The following EOGT variants were observed in gnomAD, a reference collection of about 807,000 sequenced individuals.
EOGT encodes the protein EGF domain-specific O-linked N-acetylglucosamine transferase.
In EOGT, 55 loss-of-function variants were observed where a neutral mutation model predicts 70.5. The ratio of observed to expected loss-of-function variants is 0.78; its 90% confidence interval spans 0.63 to 0.98. EOGT has a LOEUF of 0.98. Among genes scored for constraint, EOGT ranks in the 50% least tolerant of loss-of-function variants. The pLI, the probability that EOGT is intolerant of heterozygous loss-of-function variation, is 0.00. For synonymous variants in EOGT, 246 were observed against 217.1 expected (o/e 1.13, Z -1.17); for missense variants, 703 against 641.9 (o/e 1.10, Z -1.03).
At position 68,976,715 on chromosome 3, in the gene EOGT, C is replaced by T. The variant is rs1024553536; in HGVS notation, c.*903G>A. 2 of 149,304 alleles carry T rather than the reference C, an allele frequency of 1.3e-5. No individual in the cohort carries two copies. The highest frequency in any genetic ancestry group is 3.0e-5 in the Non-Finnish European group (2 of 67,506). The allele number at this position is 149,304 out of a possible 1,614,324, so 9.2% of individuals were successfully genotyped here. A position where few individuals can be genotyped will look rare whatever the true frequency, so the allele number is the denominator to read the frequency against. The stretch of plus-strand genomic sequence containing the variant: ...TTTCCTACCACAAACAGTGTTATAA[C>T]CAGATTATGGCAAATAAAAGAACAG... On this transcript the variant is annotated 3_prime_UTR_variant, in exon 18 of 18. Transcript: ENST00000383701.
At chr3:68,978,488 A>G in intron 16 of EOGT, 53 bp from the exon 17 acceptor site, 1 of 1,251,994 alleles carries the variant, frequency 8.0e-7, no homozygotes. Flanking sequence ...GTTTTTTCCA[A>G]ATCAACAACT....
At chr3:69,010,848 A>G (rs1429023764) in intron 3 of EOGT, among the ~76,000 whole-genome samples, 1 of 152,194 alleles carries the variant, frequency 6.6e-6, no homozygotes, top group Non-Finnish European at 1.5e-5. Context: ...TCAAGGTATG[A>G]GCACAGACAA....
In EOGT at chr3:69,001,699, T is replaced by C. The variant is rs1458872970; in HGVS notation, c.636A>G (p.Gln212=). 6.2e-7 allele frequency: 1 copy of C among 1,610,194 alleles called. No homozygotes were observed. The highest frequency in any genetic ancestry group is 8.5e-7 in the Non-Finnish European group (1 of 1,178,078). ...SPLQSWFAEL[Q]SYTQLNFRPI... ...GTCTGAAGTTGAGCTGAGTATAGCT[T>C]TGTAGCTCAGCAAACCTGAAATTAT... Residue 212 remains glutamine (Q), a synonymous_variant, in exon 9 of 18, where the codon CAA becomes CAG. Transcript: ENST00000383701.
chr3:69,004,687 G>A (rs1372077620), intron 7 of EOGT, among the ~76,000 whole-genome samples: 1 of 151,996 alleles, frequency 6.6e-6, no homozygotes, highest in Non-Finnish European at 1.5e-5. Context: ...TTTGCAATGC[G>A]ATTAACTCAT....
At chr3:68,989,157 A>G (rs1302678158) in intron 10 of EOGT, 140 bp from the exon 11 acceptor site, 7 of 513,800 alleles carry the variant, frequency 1.4e-5, no homozygotes, top group Non-Finnish European at 2.4e-5. Flanking sequence ...TACAAGCAAA[A>G]TGGATCTTCA....
At position 69,001,714 on chromosome 3, in the gene EOGT, C is replaced by A. The variant is rs760802807; in HGVS notation, c.621G>T (p.Trp207Cys). ...GAGTATAGCTTTGTAGCTCAGCAAA[C>A]CTGAAATTATGAATTGGGACATGAC... The part of the protein sequence containing the change: ...EGQRKSPLQS[W>C]FAELQSYTQL... The change falls in exon 9 of 18, where the codon TGG becomes TGT. Residue 207 changes from tryptophan to cysteine, a missense_variant and splice_region_variant. Physicochemically the swap from Trp to Cys is radical, Grantham distance 215 (BLOSUM62 -2). Coordinates refer to ENST00000383701, the MANE Select transcript of EOGT (RefSeq NM_001278689.2). 6.2e-7 allele frequency: 1 copy of A among 1,600,694 alleles called. No individual in the cohort carries two copies. The highest frequency in any genetic ancestry group is 2.2e-5 in the East Asian group (1 of 44,682).
At chr3:68,978,884 TTCTC>T (rs1202837302) in intron 16 of EOGT, among the ~76,000 whole-genome samples, 5 of 152,336 alleles carry the variant, frequency 3.3e-5, no homozygotes, top group Admixed American at 6.5e-5. Context: ...CCATCCTTCC[TTCTC>T]TCTCTATAAG....
rs1038832178 is a variant in EOGT, at chr3:68,977,544, C to T, written c.*74G>A. On this transcript the variant is annotated 3_prime_UTR_variant, in exon 18 of 18. Transcript: ENST00000383701. ...TTCGGGGATAGGAAATAACAGATTG[C>T]TTTACTGATTTAATTCTAAGTCTGG... 2.3e-5 allele frequency: 35 copies of T among 1,496,786 alleles called. No homozygotes were observed. In the Admixed American group the frequency reaches 6.5e-4, roughly 28 times the overall value. The allele number at this position is 1,496,786 out of a possible 1,614,324, so 92.7% of individuals were successfully genotyped here.
At position 69,008,456 on chromosome 3, in the gene EOGT, G is replaced by T. The variant is rs770193294; in HGVS notation, c.283C>A (p.Pro95Thr). 2 of 1,613,956 alleles carry T rather than the reference G, an allele frequency of 1.2e-6. No individual in the cohort carries two copies. Among genetic ancestry groups the T allele is most frequent in the Non-Finnish European group, 1.7e-6 (2 of 1,179,942 alleles). The change falls in exon 5 of 18, where the codon CCA becomes ACA. Residue 95 changes from proline to threonine, a missense_variant. Pro to Thr is a conservative substitution (Grantham distance 38, BLOSUM62 -1). Transcript: ENST00000383701. ...CCCATGTCGACATAGCTGCAAACTG[G>T]GTAACCAAACCTGAACTCTGGTTTG... ...SCKPEFRFGY[P>T]VCSYVDMGWT...
At chr3:68,999,385 T>G (rs994653787) in intron 9 of EOGT, among the ~76,000 whole-genome samples, 1 of 152,180 alleles carries the variant, frequency 6.6e-6, no homozygotes, top group African/African-American at 2.4e-5. Context: ...GGACCCAATA[T>G]TCATCCTGGA....
chr3:68,986,528 G>T (rs2090812796), intron 14 of EOGT, among the ~76,000 whole-genome samples: 1 of 152,098 alleles, frequency 6.6e-6, no homozygotes, highest in African/African-American at 2.4e-5. Flanking sequence ...AGTCATATTG[G>T]TATTCTGTTT....
At chr3:68,997,296 T>C (rs894225814) in intron 10 of EOGT, among the ~76,000 whole-genome samples, 2 of 151,412 alleles carry the variant, frequency 1.3e-5, no homozygotes, top group Admixed American at 6.6e-5. Flanking sequence ...AGGCAGACAG[T>C]AAATGCAAAA....
intron 3 of EOGT, among the ~76,000 whole-genome samples, chr3:69,011,122 G>A (rs2091563065): frequency 6.6e-6 from 1 of 150,610 alleles, no homozygotes; most frequent in African/African-American, 2.4e-5. Context: ...AAATCTCTTG[G>A]ACCAGATTTC....
At chr3:68,993,870 C>T (rs6792946) in intron 10 of EOGT, among the ~76,000 whole-genome samples, 1 of 152,118 alleles carries the variant, frequency 6.6e-6, no homozygotes, top group Admixed American at 6.5e-5. Flanking sequence ...ATAAACCCAT[C>T]AGATCTCATG....
At chr3:69,004,150 T>A (rs1279477759) in intron 8 of EOGT, among the ~76,000 whole-genome samples, 2 of 152,216 alleles carry the variant, frequency 1.3e-5, no homozygotes, top group African/African-American at 4.8e-5. Context: ...TTTAAGCTGA[T>A]TTTTTTCTTT....
At chr3:69,012,851 A>C (rs937756254) in intron 1 of EOGT, 52 bp from the exon 2 acceptor site, 1 of 152,486 alleles carries the variant, frequency 6.6e-6, no homozygotes, top group African/African-American at 2.4e-5. Context: ...GATAGGAGGC[A>C]AAACCTGGGG....
chr3:68,992,075 T>A (rs1207953548), intron 10 of EOGT, among the ~76,000 whole-genome samples: 1 of 152,076 alleles, frequency 6.6e-6, no homozygotes, highest in East Asian at 1.9e-4. Flanking sequence ...TGAAATTTGG[T>A]GGGGACACAG....
At chr3:69,003,692 G>C (rs1395757347) in intron 8 of EOGT, among the ~76,000 whole-genome samples, 2 of 152,168 alleles carry the variant, frequency 1.3e-5, no homozygotes, top group Non-Finnish European at 2.9e-5. Flanking sequence ...GCTGGCCAAT[G>C]ATGTTAACAG....
chr3:69,005,028 C>T (rs2091402100), intron 7 of EOGT, 112 bp downstream of exon 7: 1 of 644,810 alleles, frequency 1.6e-6, no homozygotes, highest in African/African-American at 1.9e-5. Flanking sequence ...CACCGCTGCA[C>T]TCCAGCCTGG....
Sources: gnomAD v4.1 joint callset for allele counts (sites outside exome capture counted in the v4.1 genomes callset) on GRCh38, gnomAD v4.1.1 for gene constraint, MANE v1.5 for transcripts, NCBI Gene and HGNC (gene_info 2026-07-23, HGNC 2026-07-21) for gene names.